ARHGAP25: variants seen among roughly 807,000 people sequenced by gnomAD.
The protein encoded by ARHGAP25 is rho GTPase-activating protein 25.
Under a neutral mutation model 71.0 loss-of-function variants are expected in ARHGAP25, and 34 were observed. The observed-to-expected ratio is 0.48, with a 90% CI of 0.36 to 0.64. The LOEUF (loss-of-function observed/expected upper bound fraction) is 0.64, where lower values mean the gene tolerates loss of function less well. Among genes scored for constraint, ARHGAP25 ranks in the 30% least tolerant of loss-of-function variants. The pLI is 0.00. For synonymous variants in ARHGAP25, 282 were observed against 296.5 expected, an observed-to-expected ratio of 0.95 and a Z score of 0.50; for missense variants, 706 against 805.1, an observed-to-expected ratio of 0.88 and a Z score of 1.49.
intron 1 of ARHGAP25, among the ~76,000 whole-genome samples, chr2:68,752,550 G>A (rs1320436088): frequency 6.6e-6 from 1 of 152,154 alleles, no homozygotes; most frequent in East Asian, 1.9e-4. Context: ...TCACTGGCTT[G>A]AACTTTGGCT....
In ARHGAP25 at chr2:68,826,053, AAAG is replaced by A. The variant is rs779521004; in HGVS notation, c.1807_1809del (p.Lys603del). ...GGCTCAATGAAGAACTGGAGAAGGA[AAAG>A]AAGAAGTCTGCAGCCCTAGAGATCA... On this transcript the variant is annotated inframe_deletion, in exon 11 of 11. Transcript: ENST00000409202. 26 of 1,614,032 alleles carry A rather than the reference AAAG, an allele frequency of 1.6e-5. No homozygotes were observed. Among genetic ancestry groups the A allele is most frequent in the South Asian group, 3.3e-5 (3 of 91,078 alleles).
chr2:68,781,637 C>T (rs1558633331), intron 2 of ARHGAP25, among the ~76,000 whole-genome samples: 1 of 152,194 alleles, frequency 6.6e-6, no homozygotes, highest in African/African-American at 2.4e-5. Context: ...ACTATTCTGG[C>T]ACTTACTAGC....
At chr2:68,719,496 G>T (rs1380306728) in intron 2 of ARHGAP25, among the ~76,000 whole-genome samples, 3 of 150,956 alleles carry the variant, frequency 2.0e-5, no homozygotes, top group Admixed American at 1.3e-4. Flanking sequence ...CCCACATTTT[G>T]GTGACCAGAT....
chr2:68,808,741 C>A (rs529187932), intron 5 of ARHGAP25, among the ~76,000 whole-genome samples: 2 of 152,270 alleles, frequency 1.3e-5, no homozygotes, highest in Non-Finnish European at 2.9e-5. Flanking sequence ...TTAACCTTGG[C>A]CTGAAGAAAG....
intron 3 of ARHGAP25, among the ~76,000 whole-genome samples, chr2:68,784,509 A>G (rs1678606469): frequency 6.6e-6 from 1 of 151,698 alleles, no homozygotes. Flanking sequence ...TTTTTTTTTA[A>G]TTGGGGGCAG....
intron 1 of ARHGAP25, among the ~76,000 whole-genome samples, chr2:68,737,083 C>T (rs1424452862): frequency 6.6e-6 from 1 of 152,114 alleles, no homozygotes; most frequent in Admixed American, 6.6e-5. Flanking sequence ...TAATGAAATA[C>T]AGAGGAGCCC....
At position 68,775,440 on chromosome 2, in the gene ARHGAP25, TC is replaced by T; in HGVS notation, c.261+23del. On this transcript the variant is annotated intron_variant, in intron 2 of 10. Coordinates refer to ENST00000409202, the MANE Select transcript of ARHGAP25 (RefSeq NM_001007231.3). Reference sequence around the variant, plus strand: ...CCCCAGGTACCAGCCAGGCTGTTTGTCCCGTTCATAAGGCACGGAGGAGGCG... The same window carrying T: ...CCCCAGGTACCAGCCAGGCTGTTTGTCCGTTCATAAGGCACGGAGGAGGCG... 1 of 1,614,058 alleles carries T rather than the reference TC, an allele frequency of 6.2e-7. No homozygotes were observed. Among genetic ancestry groups the T allele is most frequent in the Non-Finnish European group, 8.5e-7 (1 of 1,179,930 alleles).
intron 1 of ARHGAP25, among the ~76,000 whole-genome samples, chr2:68,747,737 T>C (rs1675923400): frequency 6.6e-6 from 1 of 152,094 alleles, no homozygotes; most frequent in Admixed American, 6.6e-5. Flanking sequence ...TGCAAAAGGC[T>C]CTACTATTCA....
upstream of ARHGAP25, among the ~76,000 whole-genome samples, chr2:68,732,774 T>G (rs1675055049): frequency 6.6e-6 from 1 of 152,160 alleles, no homozygotes; most frequent in Admixed American, 6.5e-5. Flanking sequence ...GCAGACAGGG[T>G]GTGCGCAGAG....
rs144829691 is a variant in ARHGAP25, at chr2:68,720,960, C to T, written c.-18+10262C>T. Among the ~76,000 whole-genome samples the T allele has an allele frequency of 5.1e-3, 780 of 152,272 alleles. 2 individuals carry two copies. Among genetic ancestry groups the T allele is most frequent in the African/African-American group, 0.018 (745 of 41,552 alleles). On this transcript the variant is annotated intron_variant and NMD_transcript_variant, in intron 2 of 7. Coordinates refer to the ARHGAP25 transcript ENST00000463483. ...ATCTGTACTCACAGATGTGGCTGAA[C>T]GCAGAAACACTCAAAGCACCCCCAG...
intron 6 of ARHGAP25, among the ~76,000 whole-genome samples, chr2:68,814,510 C>A (rs1178149535): frequency 1.3e-5 from 2 of 152,070 alleles, no homozygotes; most frequent in Non-Finnish European, 2.9e-5. Context: ...ATCAGCCATG[C>A]CTAGGATTGT....
At chr2:68,803,254 A>T (rs1490996901) in intron 4 of ARHGAP25, among the ~76,000 whole-genome samples, 1 of 152,146 alleles carries the variant, frequency 6.6e-6, no homozygotes, top group Non-Finnish European at 1.5e-5. Flanking sequence ...GAATGATTGG[A>T]TTTATTGCAA....
chr2:68,770,013 G>A (rs1309271697), intron 1 of ARHGAP25, among the ~76,000 whole-genome samples: 1 of 152,194 alleles, frequency 6.6e-6, no homozygotes, highest in East Asian at 1.9e-4. Flanking sequence ...TTCTGTTTGA[G>A]AAGGCTCACG....
chr2:68,809,134 T>C (rs1300259396), intron 5 of ARHGAP25, among the ~76,000 whole-genome samples: 1 of 152,154 alleles, frequency 6.6e-6, no homozygotes, highest in African/African-American at 2.4e-5. Flanking sequence ...TTTGGGCATA[T>C]TTAGGAGAGA....
Position 68,813,304 on chromosome 2 carries a change from C to G in ARHGAP25, c.692C>G (p.Thr231Ser). 6 of 1,613,532 alleles carry G rather than the reference C, an allele frequency of 3.7e-6. No individual in the cohort carries two copies. The highest frequency in any genetic ancestry group is 4.2e-6 in the Non-Finnish European group (5 of 1,179,862). ...TCTTCCAGAGACACAGATGTGCACA[C>G]TGTGGCTTCCCTGTTAAAGCTCTAC... ...PSFDRDTDVH[T>S]VASLLKLYLR... Residue 231 changes from threonine (T) to serine (S), a missense_variant, in exon 6 of 11, where the codon ACT becomes AGT. By Grantham distance (58) the Thr-to-Ser change is moderately conservative. Transcript: ENST00000409202.
At chr2:68,809,084 G>A (rs771416543) in intron 5 of ARHGAP25, among the ~76,000 whole-genome samples, 2 of 152,106 alleles carry the variant, frequency 1.3e-5, no homozygotes, top group African/African-American at 4.8e-5. Flanking sequence ...GATTTGGGAG[G>A]TATGACTGAC....
At chr2:68,787,218 A>G (rs1166488290) in intron 3 of ARHGAP25, among the ~76,000 whole-genome samples, 4 of 152,200 alleles carry the variant, frequency 2.6e-5, no homozygotes, top group Admixed American at 2.6e-4. Context: ...CACTACACCT[A>G]TCTATAATCT....
chr2:68,735,359 A>G, intron 1 of ARHGAP25, 99 bp downstream of exon 1: 1 of 1,267,108 alleles, frequency 7.9e-7, no homozygotes, highest in South Asian at 1.2e-5. Context: ...TTAAAAATGG[A>G]TCTCGCAGCA....
intron 4 of ARHGAP25, among the ~76,000 whole-genome samples, chr2:68,806,913 C>A (rs1300279396): frequency 6.6e-6 from 1 of 152,148 alleles, no homozygotes; most frequent in African/African-American, 2.4e-5. Flanking sequence ...TGGCAAGTGT[C>A]TAAGGCTCAG....
Sources: gnomAD v4.1 joint callset for allele counts (sites outside exome capture counted in the v4.1 genomes callset) on GRCh38, gnomAD v4.1.1 for gene constraint, MANE v1.5 for transcripts, NCBI Gene and HGNC (gene_info 2026-07-23, HGNC 2026-07-21) for gene names.